Variants in ZBTB40 observed in about 807,000 individuals in gnomAD.
ZBTB40 encodes zinc finger and BTB domain-containing protein 40.
In ZBTB40, 60 loss-of-function variants were observed where a neutral mutation model predicts 117.5. The ratio of observed to expected loss-of-function variants is 0.51; its 90% CI spans 0.41 to 0.63. The LOEUF (loss-of-function observed/expected upper bound fraction) is 0.63, where lower values mean the gene tolerates loss of function less well. Among genes scored for constraint, ZBTB40 ranks in the 30% least tolerant of loss-of-function variants. The pLI is 0.00. For synonymous variants in ZBTB40, 525 were observed against 577.1 expected, an observed-to-expected ratio of 0.91 and a Z score of 1.29; for missense variants, 1,287 against 1,498.5, an observed-to-expected ratio of 0.86 and a Z score of 2.33.
chr1:22,432,765 G>C (rs6426756), intron 1 of ZBTB40, among the ~76,000 whole-genome samples: 151,455 of 152,324 alleles, frequency 0.99, 75,300 homozygotes, highest in Middle Eastern at 1. Context: ...TATATCTGCC[G>C]CCCATCACCA....
chr1:22,464,712 A>G (rs988567422), intron 1 of ZBTB40, among the ~76,000 whole-genome samples: 4 of 152,202 alleles, frequency 2.6e-5, no homozygotes, highest in Non-Finnish European at 4.4e-5. Flanking sequence ...TGTATTTTCT[A>G]TATTTTTAAA....
At chr1:22,476,047 G>A (rs552266978) in intron 1 of ZBTB40, among the ~76,000 whole-genome samples, 3 of 152,224 alleles carry the variant, frequency 2.0e-5, no homozygotes, top group East Asian at 1.9e-4. Flanking sequence ...CAGCAATTGC[G>A]GATTACAGAA....
At position 22,524,282 on chromosome 1, in the gene ZBTB40, C is replaced by A; in HGVS notation, c.3363C>A (p.His1121Gln). The change falls in exon 17 of 18, where the codon CAC becomes CAA. Residue 1121 changes from histidine to glutamine, a missense_variant. By Grantham distance (24) the His-to-Gln change is conservative. Transcript: ENST00000375647. ...ATFRFPGALQ[H>Q]HVTTEHFKQS... The stretch of plus-strand genomic sequence containing the variant: ...TCCGTTTTCCTGGAGCATTGCAGCA[C>A]CATGTCACCACGGAGCACTTCAAGC... 1 of 1,614,158 alleles carries A rather than the reference C, an allele frequency of 6.2e-7. No individual in the cohort carries two copies. The highest frequency in any genetic ancestry group is 1.1e-5 in the South Asian group (1 of 91,086).
chr1:22,490,200 T>C lies in ZBTB40; in HGVS notation c.252T>C (p.Pro84=). 4 of 1,614,212 alleles carry C rather than the reference T, an allele frequency of 2.5e-6. No individual in the cohort carries two copies. The highest frequency in any genetic ancestry group is 3.4e-6 in the Non-Finnish European group (4 of 1,180,030). Residue 84 remains proline (P), a synonymous_variant, in exon 2 of 18, where the codon CCT becomes CCC. Coordinates refer to ENST00000375647, the MANE Select transcript of ZBTB40 (RefSeq NM_014870.4). ...LLEMMYTGKL[P]VGKHNFSKII... ...AAATGATGTACACGGGCAAACTACC[T>C]GTGGGCAAGCACAACTTCTCCAAAA...
intron 1 of ZBTB40, among the ~76,000 whole-genome samples, chr1:22,440,678 T>A (rs1053803398): frequency 6.6e-6 from 1 of 152,034 alleles, no homozygotes; most frequent in Admixed American, 6.5e-5. Context: ...GTTTTTTTTT[T>A]AATCATGAAA....
In ZBTB40 at chr1:22,512,698, C is replaced by T. The variant is rs141409089; in HGVS notation, c.2462-226C>T. ...AGATAAGCCCAGCATTACTTTCCAC[C>T]GGCTCCATCCAGGAGTAAGGCCAGG... On this transcript the variant is annotated intron_variant, in intron 11 of 17. Coordinates refer to ENST00000375647, the MANE Select transcript of ZBTB40 (RefSeq NM_014870.4). Among the ~76,000 whole-genome samples the T allele has an allele frequency of 1.1e-3, 161 of 152,232 alleles. 3 individuals carry two copies. In the East Asian group the frequency reaches 0.024, roughly 23 times the overall value.
At chr1:22,514,746 G>T (rs1639332354) in intron 12 of ZBTB40, among the ~76,000 whole-genome samples, 1 of 152,084 alleles carries the variant, frequency 6.6e-6, no homozygotes, top group Non-Finnish European at 1.5e-5. Flanking sequence ...ATTTATTTCT[G>T]CTTAGTCTTC....
At chr1:22,445,561 A>C (rs1249713416) in intron 1 of ZBTB40, among the ~76,000 whole-genome samples, 1 of 152,198 alleles carries the variant, frequency 6.6e-6, no homozygotes, top group Non-Finnish European at 1.5e-5. Flanking sequence ...ACCAAAAGGC[A>C]ATAAACAAAA....
rs555793758 is a variant in ZBTB40, at chr1:22,465,289, G to A, written c.-70+13285G>A. ...CCTCTCTGCGGGCAGGTCATTTGGC[G>A]GTCTCTGCAGGTCTCTGAAGTTCTC... On this transcript the variant is annotated intron_variant, in intron 1 of 17. Coordinates refer to ENST00000375647, the MANE Select transcript of ZBTB40 (RefSeq NM_014870.4). Among the ~76,000 whole-genome samples, 12 of 152,194 alleles carry A rather than the reference G, an allele frequency of 7.9e-5. No homozygotes were observed. In the South Asian group the frequency reaches 1.0e-3, roughly 13 times the overall value.
chr1:22,491,549 T>G lies in ZBTB40; in HGVS notation c.831+16T>G. ...ACAGAAGGAGGTAGGCACCTCTGAC[T>G]TTTGTACTTGTTTGCTAGTTTAGTG... On this transcript the variant is annotated intron_variant, in intron 3 of 17. Coordinates refer to ENST00000375647, the MANE Select transcript of ZBTB40 (RefSeq NM_014870.4). 1 of 1,613,664 alleles carries G rather than the reference T, an allele frequency of 6.2e-7. No homozygotes were observed. The highest frequency in any genetic ancestry group is 8.5e-7 in the Non-Finnish European group (1 of 1,179,712).
chr1:22,455,200 G>C (rs1183172849), intron 1 of ZBTB40, among the ~76,000 whole-genome samples: 3 of 151,996 alleles, frequency 2.0e-5, no homozygotes, highest in African/African-American at 7.2e-5. Flanking sequence ...CTAAACAAAT[G>C]TTAGACTTTT....
chr1:22,496,066 T>C (rs752312933), intron 3 of ZBTB40, among the ~76,000 whole-genome samples: 7 of 152,222 alleles, frequency 4.6e-5, no homozygotes, highest in Non-Finnish European at 8.8e-5. Context: ...GCAGAGATGC[T>C]ATAGATCGAG....
chr1:22,429,759 G>A (rs1015665898), intron 1 of ZBTB40, among the ~76,000 whole-genome samples: 3 of 152,286 alleles, frequency 2.0e-5, no homozygotes, highest in Non-Finnish European at 4.4e-5. Flanking sequence ...TTGGGAGGCC[G>A]AGGCGGGTGG....
intron 1 of ZBTB40, among the ~76,000 whole-genome samples, chr1:22,468,460 GTTTCCTTTTTTTT>G (rs1414162740): frequency 6.8e-5 from 6 of 88,776 alleles, no homozygotes; most frequent in Non-Finnish European, 1.4e-4. Context: ...AAATGTTAAT[GTTTCCTTTTTTTT>G]TTTTTTTTTT....
intron 1 of ZBTB40, among the ~76,000 whole-genome samples, chr1:22,475,670 C>A (rs1049896687): frequency 6.6e-6 from 1 of 152,104 alleles, no homozygotes; most frequent in Non-Finnish European, 1.5e-5. Context: ...TTTCCCTCTT[C>A]TTGACTCTTG....
At position 22,511,922 on chromosome 1, in the gene ZBTB40, G is replaced by A. The variant is rs754227141; in HGVS notation, c.2249G>A (p.Arg750His). The change falls in exon 11 of 18, where the codon CGC (arginine) becomes CAC (histidine). Residue 750 changes from arginine (R) to histidine (H), a missense_variant. Arg to His is a conservative substitution (Grantham distance 29, BLOSUM62 0). Transcript: ENST00000375647. The part of the protein sequence containing the change: ...ACDKSFHFYC[R>H]LKVHMKRCRV... ...GACAAAAGCTTCCATTTCTACTGCC[G>A]CCTAAAGGTGCACATGAAGCGCTGC... 23 of 1,614,042 alleles carry A rather than the reference G, an allele frequency of 1.4e-5. No homozygotes were observed. Among genetic ancestry groups the A allele is most frequent in the South Asian group, 6.6e-5 (6 of 91,088 alleles).
At position 22,491,524 on chromosome 1, in the gene ZBTB40, A is replaced by C. The variant is rs767043943; in HGVS notation, c.822A>C (p.Pro274=). The change falls in exon 3 of 18, where the codon CCA becomes CCC. Residue 274 remains proline, a synonymous_variant. Transcript: ENST00000375647. ...KLEMCSEIKG[P]QKEMIVKCFE... is the part of the protein sequence containing the mutation. ...AAATGTGTTCAGAAATTAAAGGTCC[A>C]CAGAAGGAGGTAGGCACCTCTGACT... 5.0e-6 allele frequency: 8 copies of C among 1,613,892 alleles called. No individual in the cohort carries two copies. Among genetic ancestry groups the C allele is most frequent in the South Asian group, 1.1e-5 (1 of 91,090 alleles).
intron 3 of ZBTB40, among the ~76,000 whole-genome samples, chr1:22,492,595 G>A (rs922349038): frequency 2.6e-5 from 4 of 152,214 alleles, no homozygotes; most frequent in South Asian, 2.1e-4. Context: ...AGGCAATTTT[G>A]TATTAGTCCA....
Position 22,529,330 on chromosome 1 carries a change from A to G in ZBTB40, c.*2934A>G, listed in dbSNP as rs1639768909. On this transcript the variant is annotated 3_prime_UTR_variant, in exon 18 of 18. Coordinates refer to ENST00000375647, the MANE Select transcript of ZBTB40 (RefSeq NM_014870.4). ...CTCTGGGGCCTTTGGGGTGGTGTGA[A>G]GGAGTCTGTGGGCTTCTTGGAACAC... The G allele has an allele frequency of 6.6e-6, 1 of 152,336 alleles. No individual in the cohort carries two copies. Among genetic ancestry groups the G allele is most frequent in the African/African-American group, 2.4e-5 (1 of 41,386 alleles). 9.4% of individuals were successfully genotyped at this position (152,336 alleles called of 1,614,324 possible). A position where few individuals can be genotyped will look rare whatever the true frequency, so the allele number is the denominator to read the frequency against.
Sources: gnomAD v4.1 joint callset for allele counts (sites outside exome capture counted in the v4.1 genomes callset) on GRCh38, gnomAD v4.1.1 for gene constraint, MANE v1.5 for transcripts, NCBI Gene and HGNC (gene_info 2026-07-23, HGNC 2026-07-21) for gene names.